Variants in ROBO1 observed in about 807,000 individuals in gnomAD.
The protein encoded by ROBO1 is roundabout homolog 1.
In ROBO1, 149 loss-of-function variants were observed where a neutral mutation model predicts 195.9. The observed-to-expected ratio is 0.76, with a 90% CI of 0.67 to 0.87. The LOEUF (loss-of-function observed/expected upper bound fraction) is 0.87, where lower values mean the gene tolerates loss of function less well. Among genes scored for constraint, ROBO1 ranks in the 40% least tolerant of loss-of-function variants. The pLI is 0.00. For synonymous variants in ROBO1, 816 were observed against 733.2 expected, an observed-to-expected ratio of 1.11 and a Z score of -1.82; for missense variants, 1,933 against 2,068.3, an observed-to-expected ratio of 0.93 and a Z score of 1.27.
intron 2 of ROBO1, among the ~76,000 whole-genome samples, chr3:79,167,441 C>T (rs1007167052): frequency 6.6e-5 from 10 of 152,202 alleles, no homozygotes; most frequent in African/African-American, 2.4e-4. Flanking sequence ...GTCACTGTTC[C>T]TTTCTTCTAA....
intron 1 of ROBO1, among the ~76,000 whole-genome samples, chr3:79,675,021 T>C (rs1434006804): frequency 6.6e-6 from 1 of 151,956 alleles, no homozygotes; most frequent in Non-Finnish European, 1.5e-5. Flanking sequence ...AGTAAAAATG[T>C]CATTTCAATT....
chr3:79,461,333 G>T (rs7623349), intron 2 of ROBO1, among the ~76,000 whole-genome samples: 9 of 152,116 alleles, frequency 5.9e-5, no homozygotes, highest in African/African-American at 2.2e-4. Context: ...CTACTCCTGA[G>T]GTGAATGGGG....
At chr3:79,183,727 T>C (rs560441151) in intron 2 of ROBO1, among the ~76,000 whole-genome samples, 2 of 152,308 alleles carry the variant, frequency 1.3e-5, no homozygotes, top group South Asian at 4.1e-4. Context: ...GGTCCAATAT[T>C]GCCCCCAGGG....
At chr3:78,754,322 C>A (rs1298467407) in intron 4 of ROBO1, among the ~76,000 whole-genome samples, 1 of 152,126 alleles carries the variant, frequency 6.6e-6, no homozygotes, top group Non-Finnish European at 1.5e-5. Context: ...AAAAGTCACA[C>A]TCAGGAGTAG....
intron 3 of ROBO1, among the ~76,000 whole-genome samples, chr3:79,005,020 A>G (rs749654457): frequency 2.6e-5 from 4 of 152,184 alleles, no homozygotes; most frequent in Non-Finnish European, 5.9e-5. Context: ...TATAGAAACA[A>G]TTTCCAAAGA....
chr3:79,108,408 G>A (rs906613802), intron 3 of ROBO1, among the ~76,000 whole-genome samples: 2 of 151,570 alleles, frequency 1.3e-5, no homozygotes, highest in African/African-American at 2.4e-5. Context: ...TTTTTATAAA[G>A]TTAGCACATT....
intron 4 of ROBO1, among the ~76,000 whole-genome samples, chr3:78,779,933 G>C (rs1008363818): frequency 6.6e-6 from 1 of 152,102 alleles, no homozygotes; most frequent in Admixed American, 6.6e-5. Context: ...CCGTAAAAAA[G>C]AATGAGTTCA....
At chr3:79,207,688 T>C (rs2081894599) in intron 2 of ROBO1, among the ~76,000 whole-genome samples, 1 of 151,658 alleles carries the variant, frequency 6.6e-6, no homozygotes, top group Admixed American at 6.6e-5. Context: ...TTTCTGCTTC[T>C]AACAACCAGG....
At chr3:79,587,054 C>A (rs1943852409) in intron 2 of ROBO1, among the ~76,000 whole-genome samples, 1 of 151,818 alleles carries the variant, frequency 6.6e-6, no homozygotes, top group South Asian at 2.1e-4. Flanking sequence ...GAATCCATTT[C>A]TTAATTATTT....
intron 1 of ROBO1, among the ~76,000 whole-genome samples, chr3:79,725,790 G>A (rs572300656): frequency 1.3e-5 from 2 of 151,970 alleles, no homozygotes; most frequent in Non-Finnish European, 2.9e-5. Flanking sequence ...TAAAATATAT[G>A]ACTTTTAACT....
intron 4 of ROBO1, among the ~76,000 whole-genome samples, chr3:78,815,622 G>T (rs970536752): frequency 2.2e-4 from 2 of 9,050 alleles, no homozygotes; most frequent in Non-Finnish European, 0.013. Context: ...TCTAGAACTT[G>T]AGAGCAAGGT....
chr3:78,727,440 C>T (rs1217568710), intron 5 of ROBO1, among the ~76,000 whole-genome samples: 2 of 152,040 alleles, frequency 1.3e-5, no homozygotes, highest in Non-Finnish European at 2.9e-5. Context: ...TCCTGGCTAA[C>T]ACGGTGAAAC....
intron 2 of ROBO1, among the ~76,000 whole-genome samples, chr3:79,235,043 C>A (rs1010940838): frequency 1.3e-5 from 2 of 152,018 alleles, no homozygotes; most frequent in African/African-American, 4.8e-5. Context: ...TAAGTTCAAA[C>A]CTTCATTCTT....
At chr3:79,739,464 G>A (rs1703531796) in intron 1 of ROBO1, among the ~76,000 whole-genome samples, 1 of 152,014 alleles carries the variant, frequency 6.6e-6, no homozygotes, top group African/African-American at 2.4e-5. Flanking sequence ...CTCCTTAAGG[G>A]GAGTGCAAGT....
Position 78,750,322 on chromosome 3 carries a change from G to A in ROBO1, c.500-3422C>T, listed in dbSNP as rs191484115. 2.6e-3 allele frequency among the ~76,000 whole-genome samples: 390 copies of A among 151,560 alleles called. 1 individual carries two copies. The highest frequency in any genetic ancestry group is 8.4e-3 in the African/African-American group (348 of 41,318). On this transcript the variant is annotated intron_variant, in intron 4 of 30. Transcript: ENST00000464233. ...CAAAAAATTAGCCGGGCTTGGTGGC[G>A]GGCACCTGTAGTTGCAGCTACTCAG... is the stretch of plus-strand genomic sequence containing the variant.
chr3:79,166,499 T>A (rs2081065764), intron 2 of ROBO1, among the ~76,000 whole-genome samples: 2 of 152,016 alleles, frequency 1.3e-5, no homozygotes, highest in African/African-American at 4.8e-5. Flanking sequence ...GATCAACAAC[T>A]TTCATAAAAT....
intron 2 of ROBO1, among the ~76,000 whole-genome samples, chr3:79,512,354 T>C (rs529830848): frequency 1.3e-5 from 2 of 152,200 alleles, no homozygotes; most frequent in African/African-American, 4.8e-5. Context: ...GAATTCACCA[T>C]TTTTTTGTGA....
chr3:79,450,756 T>G (rs1407625566), intron 2 of ROBO1, among the ~76,000 whole-genome samples: 4 of 151,902 alleles, frequency 2.6e-5, no homozygotes, highest in Admixed American at 2.0e-4. Context: ...ATTTCTTATA[T>G]TAACACTCTA....
chr3:79,625,680 G>T (rs1461155750), intron 1 of ROBO1, among the ~76,000 whole-genome samples: 1 of 151,924 alleles, frequency 6.6e-6, no homozygotes, highest in Non-Finnish European at 1.5e-5. Flanking sequence ...TGCCTGAATA[G>T]ACCAATAACA....
Sources: allele counts gnomAD v4.1 joint callset (sites outside exome capture counted in the v4.1 genomes callset), GRCh38; gene constraint gnomAD v4.1.1; transcripts MANE v1.5; gene names NCBI Gene and HGNC (gene_info 2026-07-23, HGNC 2026-07-21).